Variants in MINPP1 observed in about 807,000 individuals in gnomAD.
MINPP1 encodes multiple inositol-polyphosphate phosphatase 1, also known as multiple inositol polyphosphate phosphatase 1.
In MINPP1, 28 loss-of-function variants were observed where a neutral mutation model predicts 46.1. The observed-to-expected ratio is 0.61, with a 90% CI of 0.45 to 0.83. MINPP1 has a LOEUF of 0.83. Ranked by LOEUF, MINPP1 falls within the 40% of genes least tolerant of loss-of-function variation. MINPP1 has a pLI of 0.00. For missense variants in MINPP1, 603 were observed against 610.0 expected (o/e 0.99, Z 0.12); for synonymous variants, 268 against 249.1 (o/e 1.08, Z -0.72).
rs372051204 is a variant in MINPP1 at position 87,505,050 on chromosome 10, C to G, written c.135C>G (p.Pro45=). Reference sequence around the variant, plus strand: ...ACCCGGTGGCCTCGTCGCTCAGCCCCTATTTCGGCACCAAGACTCGCTACG... The same window carrying G: ...ACCCGGTGGCCTCGTCGCTCAGCCCGTATTTCGGCACCAAGACTCGCTACG... The part of the protein sequence containing the change: ...PRDPVASSLS[P]YFGTKTRYED... Residue 45 remains proline (P), a synonymous_variant, in exon 1 of 5, where the codon CCC becomes CCG. Coordinates refer to ENST00000371996, the MANE Select transcript of MINPP1 (RefSeq NM_004897.5). This position sits in a 1 kb window ranked among gnomAD's most constrained non-coding sequence, Gnocchi z 4.4. 9.3e-6 allele frequency: 15 copies of G among 1,613,324 alleles called. No individual in the cohort carries two copies. In the East Asian group the frequency reaches 1.8e-4, roughly 19 times the overall value.
intron 4 of MINPP1, among the ~76,000 whole-genome samples, chr10:87,539,005 G>A (rs1851776625): frequency 6.6e-6 from 1 of 152,064 alleles, no homozygotes; most frequent in Admixed American, 6.6e-5. Context: ...TTAAAAGACA[G>A]GATTTTAGAC....
At chr10:87,544,620 G>T (rs1851863200) in intron 4 of MINPP1, among the ~76,000 whole-genome samples, 1 of 152,108 alleles carries the variant, frequency 6.6e-6, no homozygotes, top group East Asian at 1.9e-4. Context: ...GATTTTAGGA[G>T]TTTTGTACCA....
In MINPP1 at chr10:87,540,488, C is replaced by G. The variant is rs61853081; in HGVS notation, c.1068-11594C>G. Among the ~76,000 whole-genome samples, 6 of 96,406 alleles carry G rather than the reference C, an allele frequency of 6.2e-5. No individual in the cohort carries two copies. In the South Asian group the frequency reaches 1.0e-3, roughly 17 times the overall value. The allele number at this position is 96,406 out of a possible 152,430, so 63.2% of individuals were successfully genotyped here. On this transcript the variant is annotated intron_variant, in intron 4 of 4. Coordinates refer to ENST00000371996, the MANE Select transcript of MINPP1 (RefSeq NM_004897.5). ...TCTCTCTGTCTCTGTCTCTGTCTCT[C>G]TCTCTGTCACACACACACACACACA...
At chr10:87,529,516 A>G (rs1308008135) in intron 4 of MINPP1, among the ~76,000 whole-genome samples, 1 of 151,826 alleles carries the variant, frequency 6.6e-6, no homozygotes, top group Non-Finnish European at 1.5e-5. Context: ...TTCTTTAAGA[A>G]GGTAGAATAT....
intron 3 of MINPP1, among the ~76,000 whole-genome samples, 190 bp downstream of exon 3, chr10:87,513,411 T>C (rs1851364983): frequency 6.6e-6 from 1 of 152,194 alleles, no homozygotes; most frequent in Non-Finnish European, 1.5e-5. Flanking sequence ...CACCTACTTG[T>C]AAATAGTTTA....
At chr10:87,534,183 G>C (rs1851701534) in intron 4 of MINPP1, among the ~76,000 whole-genome samples, 1 of 150,432 alleles carries the variant, frequency 6.6e-6, no homozygotes, top group Non-Finnish European at 1.5e-5. Flanking sequence ...CTCCCAAGTA[G>C]CTGGGATTAC....
At chr10:87,533,966 A>T (rs1251643098) in intron 4 of MINPP1, among the ~76,000 whole-genome samples, 1 of 151,760 alleles carries the variant, frequency 6.6e-6, no homozygotes, top group African/African-American at 2.4e-5. Flanking sequence ...TCACAGTTCC[A>T]TGGAGTTTAG....
rs1047892591 is a variant in MINPP1, at chr10:87,505,642, T to A, written c.637+90T>A. 8.4e-7 allele frequency: 1 copy of A among 1,192,556 alleles called. No homozygotes were observed. The highest frequency in any genetic ancestry group is 1.5e-5 in the African/African-American group (1 of 66,142). The allele number at this position is 1,192,556 out of a possible 1,614,324, so 73.9% of individuals were successfully genotyped here. ...TCCCCCAGACCCTGGGCTTTTCCGA[T>A]GCCCCCCAGTTCTCTTTCCTCTTTT... is the stretch of plus-strand genomic sequence containing the variant. On this transcript the variant is annotated intron_variant, in intron 1 of 4. Transcript: ENST00000371996. The surrounding 1 kb of genome is among the most constrained non-coding windows in gnomAD (Gnocchi z 4.4).
intron 3 of MINPP1, among the ~76,000 whole-genome samples, chr10:87,520,480 T>G (rs1215437123): frequency 6.6e-6 from 1 of 152,128 alleles, no homozygotes; most frequent in African/African-American, 2.4e-5. Context: ...CCCCATATCC[T>G]TGGTACACTT....
Position 87,504,906 on chromosome 10 carries a change from C to T in MINPP1, c.-10C>T, listed in dbSNP as rs573683685. The T allele has an allele frequency of 6.2e-7, 1 of 1,609,256 alleles. No individual in the cohort carries two copies. On this transcript the variant is annotated 5_prime_UTR_variant, in exon 1 of 5. Coordinates refer to ENST00000371996, the MANE Select transcript of MINPP1 (RefSeq NM_004897.5). ...AGCTGGCTCGGCGCACTCCACTGAC[C>T]GTCCCGACGATGCTACGCGCGCCCG... is the stretch of plus-strand genomic sequence containing the variant.
At chr10:87,537,347 C>T (rs1851750758) in intron 4 of MINPP1, among the ~76,000 whole-genome samples, 3 of 152,064 alleles carry the variant, frequency 2.0e-5, no homozygotes, top group Admixed American at 1.3e-4. Flanking sequence ...TAATTTTAAC[C>T]ATTCTAATGG....
Position 87,505,001 on chromosome 10 carries a change from G to T in MINPP1, c.86G>T (p.Arg29Leu). The T allele has an allele frequency of 6.2e-7, 1 of 1,612,816 alleles. No individual in the cohort carries two copies. The highest frequency in any genetic ancestry group is 8.5e-7 in the Non-Finnish European group (1 of 1,179,826). Reference protein sequence around the residue: ...LAAALLSSLARCSLLEPRDPV... With the variant: ...LAAALLSSLALCSLLEPRDPV... ...GCGGCGCTGCTCTCGTCGCTTGCGCGCTGCTCTCTTCTAGAGCCGAGGGAC... is the reference window on the plus strand; with the variant it reads ...GCGGCGCTGCTCTCGTCGCTTGCGCTCTGCTCTCTTCTAGAGCCGAGGGAC... The change falls in exon 1 of 5, where the codon CGC becomes CTC. Residue 29 changes from arginine (R) to leucine (L), a missense_variant. Transcript: ENST00000371996. The surrounding 1 kb of genome is among the most constrained non-coding windows in gnomAD (Gnocchi z 4.4).
At chr10:87,532,767 G>A (rs1308291124) in intron 4 of MINPP1, among the ~76,000 whole-genome samples, 1 of 152,226 alleles carries the variant, frequency 6.6e-6, no homozygotes, top group Non-Finnish European at 1.5e-5. Context: ...TCAGCAAGGA[G>A]CAAGTAAGTT....
intron 2 of MINPP1, among the ~76,000 whole-genome samples, chr10:87,510,875 T>G (rs182778349): frequency 2.0e-3 from 304 of 152,370 alleles, no homozygotes; most frequent in African/African-American, 7.1e-3. Context: ...ATTTTTAAAT[T>G]GTTCTCTGAA....
intron 1 of MINPP1, chr10:87,507,855 G>C (rs1851275970): frequency 2.8e-6 from 3 of 1,064,016 alleles, no homozygotes; most frequent in African/African-American, 1.7e-5. Context: ...GCTGTCAGTA[G>C]TTTTTGTCCA....
chr10:87,514,089 C>T (rs767880187), intron 3 of MINPP1, among the ~76,000 whole-genome samples: 1 of 152,016 alleles, frequency 6.6e-6, no homozygotes, highest in South Asian at 2.1e-4. Flanking sequence ...CTCTCCATCT[C>T]GAGATTCATA....
At chr10:87,517,384 T>C (rs1393898803) in intron 3 of MINPP1, among the ~76,000 whole-genome samples, 1 of 152,118 alleles carries the variant, frequency 6.6e-6, no homozygotes, top group South Asian at 2.1e-4. Flanking sequence ...TTAGAGGAGA[T>C]TGAAGCAAAG....
intron 4 of MINPP1, among the ~76,000 whole-genome samples, chr10:87,528,508 G>T (rs536994552): frequency 4.7e-4 from 71 of 152,332 alleles, no homozygotes; most frequent in African/African-American, 1.7e-3. Flanking sequence ...TTTCCATGTA[G>T]TTGAGCGGTT....
intron 4 of MINPP1, chr10:87,546,745 GCTA>G: frequency 6.6e-6 from 1 of 152,276 alleles, no homozygotes; most frequent in East Asian, 1.9e-4. Flanking sequence ...TGGGCAACAA[GCTA>G]AGACCCCGTT....
Sources: gnomAD v4.1 joint callset for allele counts (sites outside exome capture counted in the v4.1 genomes callset) on GRCh38, gnomAD v4.1.1 for gene constraint, Gnocchi (gnomAD v3.1) non-coding constraint, MANE v1.5 for transcripts, NCBI Gene and HGNC (gene_info 2026-07-23, HGNC 2026-07-21) for gene names.